BTBD7: variants seen among roughly 807,000 people sequenced by gnomAD.
BTBD7 encodes the protein BTB domain containing 7.
A neutral mutation model predicts 99.9 loss-of-function variants in BTBD7; 38 were observed. The observed-to-expected ratio is 0.38, with a 90% CI of 0.29 to 0.50. The LOEUF is 0.50. BTBD7 is among the 20% of genes least tolerant of loss of function. The probability of loss-of-function intolerance (pLI) is 0.93; values close to 1 mark genes in which losing one functional copy is unlikely to be tolerated. For missense variants in BTBD7, 1,170 were observed against 1,394.6 expected (o/e 0.84, Z 2.57); for synonymous variants, 520 against 511.4 (o/e 1.02, Z -0.23).
rs1416425831 is a variant in BTBD7, at chr14:93,263,943, T to C, written c.1213A>G (p.Ile405Val). 1 of 1,614,198 alleles carries C rather than the reference T, an allele frequency of 6.2e-7. No individual in the cohort carries two copies. The highest frequency in any genetic ancestry group is 1.1e-5 in the South Asian group (1 of 91,078). Residue 405 changes from isoleucine (I) to valine (V), a missense_variant, in exon 4 of 11, where the codon ATC (isoleucine) becomes GTC (valine). Transcript: ENST00000334746. ...TATGGATGAGAACTCCACTTGAGGATGGCAATTAAGGTATCTAATGAGATG... is the reference window on the plus strand; with the variant it reads ...TATGGATGAGAACTCCACTTGAGGACGGCAATTAAGGTATCTAATGAGATG... Reference protein sequence around the residue: ...ESISLDTLIAILKWSSHPYGS... With the variant: ...ESISLDTLIAVLKWSSHPYGS...
intron 10 of BTBD7, among the ~76,000 whole-genome samples, chr14:93,245,175 A>C (rs1368327720): frequency 1.3e-5 from 2 of 151,966 alleles, no homozygotes; most frequent in Admixed American, 1.3e-4. Flanking sequence ...AAAAAAAAAA[A>C]AACTTTTTAA....
chr14:93,306,844 TTAAAG>T (rs1182115510), intron 1 of BTBD7, among the ~76,000 whole-genome samples: 2 of 152,224 alleles, frequency 1.3e-5, no homozygotes, highest in Non-Finnish European at 2.9e-5. Flanking sequence ...TACTTGGTTA[TTAAAG>T]TATTTTATTA....
intron 5 of BTBD7, among the ~76,000 whole-genome samples, chr14:93,257,865 A>G (rs999133228): frequency 2.6e-5 from 4 of 152,184 alleles, no homozygotes; most frequent in Admixed American, 2.0e-4. Flanking sequence ...TGGTTTTAAG[A>G]TTTTTATGAA....
At chr14:93,329,766 C>T (rs2053378890) in intron 1 of BTBD7, among the ~76,000 whole-genome samples, 1 of 152,050 alleles carries the variant, frequency 6.6e-6, no homozygotes, top group African/African-American at 2.4e-5. Context: ...GACAGTAGAA[C>T]TGTGGGTGCC....
At chr14:93,327,714 G>A (rs1265407906) in intron 1 of BTBD7, among the ~76,000 whole-genome samples, 1 of 152,090 alleles carries the variant, frequency 6.6e-6, no homozygotes, top group Non-Finnish European at 1.5e-5. Context: ...CTAAGATCAG[G>A]AACAAGCCAA....
In BTBD7 at chr14:93,294,462, A is replaced by G. The variant is rs1390745819; in HGVS notation, c.558T>C (p.Asn186=). 6.2e-7 allele frequency: 1 copy of G among 1,614,160 alleles called. No individual in the cohort carries two copies. The highest frequency in any genetic ancestry group is 8.5e-7 in the Non-Finnish European group (1 of 1,180,028). Residue 186 remains asparagine (N), a synonymous_variant, in exon 3 of 11, where the codon AAT becomes AAC. Transcript: ENST00000334746. ...EYGAEIIMDI[N]TAGIDMPMFS... is the part of the protein sequence containing the mutation. ...ACATGGGCATATCAATACCAGCTGT[A>G]TTGATGTCCATTATTATCTCTGCCC... is the stretch of plus-strand genomic sequence containing the variant.
At chr14:93,248,732 G>C (rs1359931084) in intron 8 of BTBD7, 78 bp from the exon 9 acceptor site, 29 of 1,305,036 alleles carry the variant, frequency 2.2e-5, no homozygotes, top group Non-Finnish European at 3.0e-5. Flanking sequence ...AGGGAAAAAA[G>C]CATGTATTTC....
At chr14:93,319,601 A>G (rs6575319) in intron 1 of BTBD7, among the ~76,000 whole-genome samples, 20,956 of 152,192 alleles carry the variant, frequency 0.14, 2,032 homozygotes, top group African/African-American at 0.28. Flanking sequence ...AGTATCTAAA[A>G]TAATCAAATT....
At chr14:93,252,182 T>C (rs1184361839) in intron 7 of BTBD7, among the ~76,000 whole-genome samples, 2 of 151,554 alleles carry the variant, frequency 1.3e-5, no homozygotes, top group African/African-American at 4.9e-5. Flanking sequence ...TGGTGGCGGG[T>C]GCCTATCATC....
chr14:93,288,996 T>C (rs1375469420), intron 3 of BTBD7, among the ~76,000 whole-genome samples: 2 of 152,142 alleles, frequency 1.3e-5, no homozygotes, highest in African/African-American at 4.8e-5. Flanking sequence ...TCTAATTTCT[T>C]TAGAAAATTC....
chr14:93,328,164 C>T (rs1595347018), intron 1 of BTBD7, among the ~76,000 whole-genome samples: 1 of 152,046 alleles, frequency 6.6e-6, no homozygotes, highest in Non-Finnish European at 1.5e-5. Context: ...GACTGGAAGA[C>T]AGTATTTAGA....
At chr14:93,249,248 G>T (rs925960957) in intron 8 of BTBD7, among the ~76,000 whole-genome samples, 10 of 87,646 alleles carry the variant, frequency 1.1e-4, no homozygotes, top group African/African-American at 4.2e-4. Context: ...CTTGAAGAAT[G>T]AAAGGAAACC....
At chr14:93,250,079 C>G (rs2052354100) in intron 8 of BTBD7, among the ~76,000 whole-genome samples, 1 of 152,052 alleles carries the variant, frequency 6.6e-6, no homozygotes, top group Admixed American at 6.6e-5. Context: ...ATATTAATAC[C>G]ATGTCCAAAG....
chr14:93,316,054 C>G (rs1370815860), intron 1 of BTBD7, among the ~76,000 whole-genome samples: 2 of 150,820 alleles, frequency 1.3e-5, no homozygotes, highest in Non-Finnish European at 2.9e-5. Flanking sequence ...CGGGTTCAAG[C>G]AATTCTCCTG....
At chr14:93,243,269 C>T (rs1278409162) in intron 10 of BTBD7, among the ~76,000 whole-genome samples, 181 bp from the exon 11 acceptor site, 1 of 152,032 alleles carries the variant, frequency 6.6e-6, no homozygotes, top group South Asian at 2.1e-4. Flanking sequence ...TCTCAGCTTA[C>T]TGTAACCTCT....
At chr14:93,321,460 G>A (rs1157063941) in intron 1 of BTBD7, among the ~76,000 whole-genome samples, 1 of 152,210 alleles carries the variant, frequency 6.6e-6, no homozygotes, top group Non-Finnish European at 1.5e-5. Flanking sequence ...GGACGTGGTG[G>A]TGCGTGCCTG....
chr14:93,317,193 T>C (rs1427516828), intron 1 of BTBD7, among the ~76,000 whole-genome samples: 1 of 152,042 alleles, frequency 6.6e-6, no homozygotes, highest in Non-Finnish European at 1.5e-5. Context: ...TTAGTAGAGA[T>C]GGGGCTTCAC....
intron 1 of BTBD7, among the ~76,000 whole-genome samples, chr14:93,304,454 C>T (rs180977899): frequency 1.3e-5 from 2 of 152,290 alleles, no homozygotes; most frequent in Non-Finnish European, 2.9e-5. Flanking sequence ...CAGGTTCGAG[C>T]GATTCTCCTG....
chr14:93,264,475 CA>C (rs1225074163), intron 3 of BTBD7, among the ~76,000 whole-genome samples: 1 of 152,146 alleles, frequency 6.6e-6, no homozygotes, highest in Non-Finnish European at 1.5e-5. Flanking sequence ...GCATTGTTGA[CA>C]GTTTAATCCT....
Sources: gnomAD v4.1 joint callset for allele counts (sites outside exome capture counted in the v4.1 genomes callset) on GRCh38, gnomAD v4.1.1 for gene constraint, MANE v1.5 for transcripts, NCBI Gene and HGNC (gene_info 2026-07-23, HGNC 2026-07-21) for gene names.